Variants in UCHL3 observed in about 807,000 individuals in gnomAD.
UCHL3 encodes ubiquitin carboxyl-terminal hydrolase isozyme L3.
UCHL3 carries 22 observed loss-of-function variants against 35.8 expected under a neutral mutation model. That is an observed-to-expected ratio of 0.61 (90% confidence interval 0.44 to 0.88). The LOEUF is 0.88. Ranked by LOEUF, UCHL3 falls within the 40% of genes least tolerant of loss-of-function variation. UCHL3 has a pLI of 0.00. For missense variants in UCHL3, 229 were observed against 276.9 expected (o/e 0.83, Z 1.23); for synonymous variants, 90 against 92.8 (o/e 0.97, Z 0.17).
upstream of UCHL3, chr13:75,549,778 G>A (rs750111627): frequency 5.6e-6 from 6 of 1,063,286 alleles, no homozygotes; most frequent in East Asian, 4.5e-5. Context: ...CGGCGGCGGC[G>A]AAGGCGGCGG....
chr13:75,583,683 A>G (rs892446777), intron 6 of UCHL3, among the ~76,000 whole-genome samples: 1 of 152,220 alleles, frequency 6.6e-6, no homozygotes, highest in African/African-American at 2.4e-5. Flanking sequence ...TAATTGTAGA[A>G]AACCAGAAAC....
At chr13:75,588,982 C>G (rs2032402338) in intron 6 of UCHL3, among the ~76,000 whole-genome samples, 3 of 152,088 alleles carry the variant, frequency 2.0e-5, no homozygotes, top group African/African-American at 7.2e-5. Context: ...CTAGATTTTC[C>G]TTTTGTGGTA....
intron 7 of UCHL3, among the ~76,000 whole-genome samples, chr13:75,601,848 G>A (rs1016003917): frequency 4.6e-5 from 7 of 152,026 alleles, no homozygotes; most frequent in Non-Finnish European, 2.9e-5. Flanking sequence ...GGTAGCTCAC[G>A]CCTGTAATCC....
intron 8 of UCHL3, 44 bp downstream of exon 8, chr13:75,604,871 A>G: frequency 6.5e-7 from 1 of 1,528,866 alleles, no homozygotes; most frequent in Non-Finnish European, 8.9e-7. Context: ...ATATTTTGTC[A>G]TCTTTAAAAC....
At chr13:75,565,645 A>G (rs1309011274) in intron 3 of UCHL3, among the ~76,000 whole-genome samples, 1 of 152,238 alleles carries the variant, frequency 6.6e-6, no homozygotes, top group African/African-American at 2.4e-5. Context: ...TAGACAATAC[A>G]TAATGAAATT....
rs772458113 is a variant in UCHL3 at position 75,605,844 on chromosome 13, T to C, written c.*32T>C. ...AATAATGGAAACACCAAAAACTGTATTATTTGCAACTAAATTTTCTCTGCC... is the reference window on the plus strand; with the variant it reads ...AATAATGGAAACACCAAAAACTGTACTATTTGCAACTAAATTTTCTCTGCC... On this transcript the variant is annotated 3_prime_UTR_variant, in exon 9 of 9. Coordinates refer to ENST00000377595, the MANE Select transcript of UCHL3 (RefSeq NM_006002.5). The C allele has an allele frequency of 6.2e-7, 1 of 1,604,748 alleles. No homozygotes were observed. The highest frequency in any genetic ancestry group is 1.7e-5 in the Admixed American group (1 of 58,314).
chr13:75,590,076 C>T (rs1235977957), intron 6 of UCHL3: 2 of 1,304,446 alleles, frequency 1.5e-6, no homozygotes, highest in Admixed American at 4.6e-5. Context: ...ATCTCTCCGT[C>T]TTCGTCGCTG....
intron 5 of UCHL3, 75 bp downstream of exon 5, chr13:75,567,387 T>C: frequency 7.7e-7 from 1 of 1,303,452 alleles, no homozygotes; most frequent in Non-Finnish European, 1.1e-6. Context: ...GGGGGTTTTG[T>C]CTTGAAACCA....
chr13:75,578,648 G>T (rs1170963740), intron 6 of UCHL3, among the ~76,000 whole-genome samples: 2 of 151,974 alleles, frequency 1.3e-5, no homozygotes, highest in Non-Finnish European at 2.9e-5. Context: ...GATTGCTAAT[G>T]ATACTTAAAA....
intron 6 of UCHL3, among the ~76,000 whole-genome samples, chr13:75,589,591 G>A (rs1029775107): frequency 6.6e-6 from 1 of 151,874 alleles, no homozygotes; most frequent in African/African-American, 2.4e-5. Context: ...TTTTATATGC[G>A]TTACATGGTT....
chr13:75,605,353 T>C (rs2032909207), intron 8 of UCHL3, among the ~76,000 whole-genome samples: 1 of 151,968 alleles, frequency 6.6e-6, no homozygotes, highest in Middle Eastern at 3.2e-3. Flanking sequence ...ACTAAAAATA[T>C]AGAAATTAGC....
intron 3 of UCHL3, among the ~76,000 whole-genome samples, chr13:75,563,319 G>A (rs1482910993): frequency 6.6e-6 from 1 of 152,116 alleles, no homozygotes; most frequent in African/African-American, 2.4e-5. Context: ...GGGATTTCAG[G>A]CGTGTGCCAC....
chr13:75,598,032 G>A (rs759069179), intron 7 of UCHL3, among the ~76,000 whole-genome samples: 5 of 152,082 alleles, frequency 3.3e-5, no homozygotes, highest in Non-Finnish European at 7.4e-5. Flanking sequence ...TAGAGCATTG[G>A]GATTTAGAGG....
chr13:75,549,814 C>A lies in UCHL3; in HGVS notation c.-7C>A. On this transcript the variant is annotated 5_prime_UTR_variant, in exon 1 of 9. Coordinates refer to ENST00000377595, the MANE Select transcript of UCHL3 (RefSeq NM_006002.5). ...CTGTCAGAGCTGGAGGGCCGGGCAC[C>A]GCGGCCATGGAGGGTCAACGCTGGC... 3 of 1,553,476 alleles carry A rather than the reference C, an allele frequency of 1.9e-6. 1 individual carries two copies.
intron 6 of UCHL3, among the ~76,000 whole-genome samples, chr13:75,592,435 T>TATATATATATATATATACGTATATAC (rs2032514669): frequency 1.0e-5 from 1 of 98,760 alleles, no homozygotes; most frequent in African/African-American, 4.1e-5. Context: ...TATATATATA[T>TATATATATATATATATACGTATATAC]ATATATATAT....
chr13:75,579,025 A>G (rs1367519098), intron 6 of UCHL3, among the ~76,000 whole-genome samples: 2 of 152,114 alleles, frequency 1.3e-5, no homozygotes, highest in Non-Finnish European at 2.9e-5. Flanking sequence ...TTTACTCTGA[A>G]GTATAGTTTT....
intron 6 of UCHL3, among the ~76,000 whole-genome samples, chr13:75,592,336 C>G (rs536799071): frequency 2.7e-5 from 4 of 145,708 alleles, no homozygotes; most frequent in African/African-American, 1.0e-4. Context: ...CATACTACAT[C>G]TATGAAGTGT....
chr13:75,595,047 C>T, intron 7 of UCHL3, 57 bp downstream of exon 7: 1 of 1,316,134 alleles, frequency 7.6e-7, no homozygotes, highest in East Asian at 2.5e-5. Context: ...AAAGTCTCTA[C>T]TTATGATAAA....
rs544436201 is a variant in UCHL3, at chr13:75,573,798, G to A, written c.474+4291G>A. 1.1e-4 allele frequency among the ~76,000 whole-genome samples: 17 copies of A among 152,320 alleles called. No individual in the cohort carries two copies. In the South Asian group the frequency reaches 3.3e-3, roughly 30 times the overall value. ...GGTTAGGGCTTCAACGTATGAATTT[G>A]GCAGGGGGGACACAATTCAGTCCAT... is the stretch of plus-strand genomic sequence containing the variant. On this transcript the variant is annotated intron_variant, in intron 6 of 8. Transcript: ENST00000377595.
Sources: allele counts gnomAD v4.1 joint callset (sites outside exome capture counted in the v4.1 genomes callset), GRCh38; gene constraint gnomAD v4.1.1; transcripts MANE v1.5; gene names NCBI Gene and HGNC (gene_info 2026-07-23, HGNC 2026-07-21).